The following ZBTB7C variants were observed in gnomAD, a reference collection of about 807,000 sequenced individuals.
The protein encoded by ZBTB7C is zinc finger and BTB domain containing 7C, also known as zinc finger and BTB domain-containing protein 7C.
A neutral mutation model predicts 25.7 loss-of-function variants in ZBTB7C; 8 were observed. The observed-to-expected ratio is 0.31, with a 90% CI of 0.18 to 0.56. The LOEUF is 0.56. ZBTB7C is among the 20% of genes least tolerant of loss of function. ZBTB7C has a pLI of 0.91. For missense variants in ZBTB7C, 824 were observed against 855.2 expected, an observed-to-expected ratio of 0.96 and a Z score of 0.46; for synonymous variants, 394 against 369.0, an observed-to-expected ratio of 1.07 and a Z score of -0.78.
At chr18:48,063,033 G>T (rs1005498472) in intron 3 of ZBTB7C, among the ~76,000 whole-genome samples, 30 of 152,322 alleles carry the variant, frequency 2.0e-4, no homozygotes, top group Admixed American at 6.5e-4. Context: ...AACCAGAAAG[G>T]ATTACAGAGA....
intron 2 of ZBTB7C, among the ~76,000 whole-genome samples, chr18:48,233,373 C>A (rs68158641): frequency 0.37 from 56,637 of 152,070 alleles, 12,828 homozygotes; most frequent in Non-Finnish European, 0.52. Flanking sequence ...TGTATCCAGT[C>A]TCTGGTATTC....
upstream of ZBTB7C, chr18:48,410,879 T>G (rs1022240064): frequency 6.6e-6 from 1 of 152,240 alleles, no homozygotes; most frequent in African/African-American, 2.4e-5. Context: ...AGAGGCGAGA[T>G]GGCGAATCCC....
At chr18:48,387,016 A>AGGAGGCAT (rs1214993585) in intron 1 of ZBTB7C, among the ~76,000 whole-genome samples, 1 of 152,242 alleles carries the variant, frequency 6.6e-6, no homozygotes, top group Non-Finnish European at 1.5e-5. Flanking sequence ...TTCTCGGAGT[A>AGGAGGCAT]GGAGGCATGT....
At chr18:48,316,957 G>A (rs962048478) in intron 2 of ZBTB7C, among the ~76,000 whole-genome samples, 6 of 152,164 alleles carry the variant, frequency 3.9e-5, no homozygotes, top group East Asian at 3.9e-4. Flanking sequence ...AATAATTCAC[G>A]CGAACTTGTC....
At chr18:48,163,134 A>G (rs956875491) in intron 3 of ZBTB7C, among the ~76,000 whole-genome samples, 9 of 152,162 alleles carry the variant, frequency 5.9e-5, no homozygotes, top group Non-Finnish European at 1.3e-4. Flanking sequence ...TTTATTGGAG[A>G]GGCCCCAAAG....
chr18:48,132,073 C>A (rs1038004341), intron 3 of ZBTB7C, among the ~76,000 whole-genome samples: 1 of 152,148 alleles, frequency 6.6e-6, no homozygotes. Context: ...TAGGTCCACA[C>A]AAAAACTTGC....
In ZBTB7C at chr18:48,152,382, G is replaced by A. The variant is rs201002729; in HGVS notation, c.-17+33552C>T. Reference sequence around the variant, plus strand: ...TGTTGACTAGAACTATAATTTGTTCGTTGTATGAATTATATATTGTTTTAC... The same window carrying A: ...TGTTGACTAGAACTATAATTTGTTCATTGTATGAATTATATATTGTTTTAC... On this transcript the variant is annotated intron_variant, in intron 3 of 4. Transcript: ENST00000590800. Among the ~76,000 whole-genome samples, 16 of 152,062 alleles carry A rather than the reference G, an allele frequency of 1.1e-4. 1 individual carries two copies. Among genetic ancestry groups the A allele is most frequent in the East Asian group, 5.8e-4 (3 of 5,188 alleles).
intron 3 of ZBTB7C, among the ~76,000 whole-genome samples, chr18:48,147,250 G>A (rs1383775210): frequency 6.6e-6 from 1 of 152,120 alleles, no homozygotes; most frequent in Non-Finnish European, 1.5e-5. Flanking sequence ...GCTAATTTTT[G>A]TGTTTTTAGT....
At chr18:48,118,410 T>C (rs1262844967) in intron 3 of ZBTB7C, among the ~76,000 whole-genome samples, 1 of 152,248 alleles carries the variant, frequency 6.6e-6, no homozygotes, top group Non-Finnish European at 1.5e-5. Flanking sequence ...GATGCATGCC[T>C]TTCTTTTAAG....
chr18:48,319,729 TCTTAG>T (rs1209015058), intron 2 of ZBTB7C, among the ~76,000 whole-genome samples: 1 of 152,210 alleles, frequency 6.6e-6, no homozygotes, highest in Non-Finnish European at 1.5e-5. Flanking sequence ...ATTTGTCCAA[TCTTAG>T]CTTTGTTTTG....
chr18:48,327,725 C>A (rs2046253994), intron 2 of ZBTB7C, among the ~76,000 whole-genome samples: 1 of 152,168 alleles, frequency 6.6e-6, no homozygotes, highest in Non-Finnish European at 1.5e-5. Context: ...CTCTTCCCCT[C>A]CGTCTCTTCT....
chr18:48,082,019 G>A (rs1239736924), intron 3 of ZBTB7C, among the ~76,000 whole-genome samples: 3 of 152,158 alleles, frequency 2.0e-5, no homozygotes, highest in Non-Finnish European at 2.9e-5. Flanking sequence ...TTTAAAGTCA[G>A]TATGTGGCTG....
chr18:48,313,552 T>C (rs1184753944), intron 2 of ZBTB7C, among the ~76,000 whole-genome samples: 1 of 152,236 alleles, frequency 6.6e-6, no homozygotes, highest in African/African-American at 2.4e-5. Context: ...ACCAGCAGCA[T>C]AGGCCTTGTT....
At chr18:48,127,963 G>A (rs1278972756) in intron 3 of ZBTB7C, among the ~76,000 whole-genome samples, 1 of 152,218 alleles carries the variant, frequency 6.6e-6, no homozygotes, top group Non-Finnish European at 1.5e-5. Flanking sequence ...GCCCAGCCAA[G>A]GGGCCTCCTC....
intron 3 of ZBTB7C, among the ~76,000 whole-genome samples, chr18:48,087,040 G>A (rs1412471662): frequency 2.6e-5 from 4 of 152,204 alleles, no homozygotes; most frequent in African/African-American, 4.8e-5. Flanking sequence ...TTTTCCAGAT[G>A]AGAACACTGA....
chr18:48,299,885 G>A (rs1456372961), intron 2 of ZBTB7C, among the ~76,000 whole-genome samples: 1 of 152,192 alleles, frequency 6.6e-6, no homozygotes. Flanking sequence ...CCCCAAAATG[G>A]ATTTGTGGTT....
upstream of ZBTB7C, among the ~76,000 whole-genome samples, chr18:48,411,057 A>T (rs1017876317): frequency 2.9e-4 from 41 of 140,032 alleles, no homozygotes; most frequent in Admixed American, 2.0e-3. Flanking sequence ...ATTTTTTTTT[A>T]AACCATTTCA....
At chr18:48,090,862 C>T (rs1401619002) in intron 3 of ZBTB7C, among the ~76,000 whole-genome samples, 1 of 152,212 alleles carries the variant, frequency 6.6e-6, no homozygotes. Flanking sequence ...GTGCTCTTTC[C>T]TCTCTTAACT....
chr18:48,042,575 A>G (rs1452701689), intron 3 of ZBTB7C, among the ~76,000 whole-genome samples: 1 of 152,172 alleles, frequency 6.6e-6, no homozygotes, highest in African/African-American at 2.4e-5. Flanking sequence ...GTATACGCTC[A>G]TAAAGTGTGA....
Sources: gnomAD v4.1 joint callset for allele counts (sites outside exome capture counted in the v4.1 genomes callset) on GRCh38, gnomAD v4.1.1 for gene constraint, MANE v1.5 for transcripts, NCBI Gene and HGNC (gene_info 2026-07-23, HGNC 2026-07-21) for gene names.